MACROD2: variants seen among roughly 807,000 people sequenced by gnomAD.
MACROD2 encodes the protein mono-ADP ribosylhydrolase 2, also known as ADP-ribose glycohydrolase MACROD2.
A neutral mutation model predicts 70.4 loss-of-function variants in MACROD2; 36 were observed. The observed-to-expected ratio is 0.51, with a 90% CI of 0.39 to 0.68. The LOEUF (loss-of-function observed/expected upper bound fraction) is 0.68. MACROD2 is among the 30% of genes least tolerant of loss of function. The pLI is 0.00. For missense variants in MACROD2, 496 were observed against 538.4 expected (o/e 0.92, Z 0.78); for synonymous variants, 172 against 178.8 (o/e 0.96, Z 0.30).
At chr20:15,452,683 C>A (rs933684637) in intron 7 of MACROD2, among the ~76,000 whole-genome samples, 1 of 152,116 alleles carries the variant, frequency 6.6e-6, no homozygotes, top group Admixed American at 6.6e-5. Flanking sequence ...CAGTGGCATT[C>A]ACGGCTCTGC....
At chr20:15,937,948 A>G (rs1601171329) in intron 12 of MACROD2, among the ~76,000 whole-genome samples, 1 of 152,122 alleles carries the variant, frequency 6.6e-6, no homozygotes, top group East Asian at 1.9e-4. Context: ...AGGGAGCACC[A>G]TTTTTCAAAA....
At chr20:14,663,337 G>C (rs2123540401) in intron 4 of MACROD2, among the ~76,000 whole-genome samples, 1 of 151,972 alleles carries the variant, frequency 6.6e-6, no homozygotes. Context: ...GGAGGGTGGA[G>C]GGTGGGAGGA....
chr20:15,312,831 G>GTA lies in MACROD2; in HGVS notation c.540+82776_540+82777dup, dbSNP rs1035619989. ...TATCTGTATTCCATTATATGTGTGT[G>GTA]TATATATGTGTGTGTATATGTATGT... On this transcript the variant is annotated intron_variant, in intron 6 of 17. Transcript: ENST00000684519. Among the ~76,000 whole-genome samples the GTA allele has an allele frequency of 5.3e-4, 81 of 152,062 alleles. 1 individual carries two copies. The highest frequency in any genetic ancestry group is 1.9e-3 in the African/African-American group (78 of 41,486).
At chr20:15,834,232 C>T (rs1261249034) in intron 8 of MACROD2, among the ~76,000 whole-genome samples, 6 of 152,216 alleles carry the variant, frequency 3.9e-5, no homozygotes, top group East Asian at 3.9e-4. Context: ...CCCAGCTACT[C>T]GGGAGGCTGA....
intron 12 of MACROD2, among the ~76,000 whole-genome samples, chr20:15,949,388 C>T (rs1000724468): frequency 6.6e-6 from 1 of 152,134 alleles, no homozygotes; most frequent in African/African-American, 2.4e-5. Context: ...ATCAAGAAAT[C>T]TATTGATATG....
At chr20:15,012,452 T>C (rs1203206934) in intron 5 of MACROD2, among the ~76,000 whole-genome samples, 1 of 152,108 alleles carries the variant, frequency 6.6e-6, no homozygotes, top group African/African-American at 2.4e-5. Flanking sequence ...TGACATAATG[T>C]GGGGGTCCAA....
intron 6 of MACROD2, among the ~76,000 whole-genome samples, chr20:15,321,838 G>T (rs1293409796): frequency 1.4e-5 from 2 of 144,104 alleles, no homozygotes; most frequent in African/African-American, 5.0e-5. Flanking sequence ...TGTTGCCCAG[G>T]CTGGAGTGCA....
chr20:14,515,605 C>A (rs1482652427), intron 4 of MACROD2, among the ~76,000 whole-genome samples: 4 of 151,952 alleles, frequency 2.6e-5, no homozygotes, highest in South Asian at 4.2e-4. Flanking sequence ...AAGCCAGGCA[C>A]AGAAAGACAA....
chr20:15,288,164 C>CA (rs1405631671), intron 6 of MACROD2, among the ~76,000 whole-genome samples: 1 of 152,176 alleles, frequency 6.6e-6, no homozygotes, highest in Non-Finnish European at 1.5e-5. Flanking sequence ...AAGGAGAAGA[C>CA]ACTATGTTGG....
intron 8 of MACROD2, among the ~76,000 whole-genome samples, chr20:15,646,584 G>A (rs575132598): frequency 2.0e-4 from 30 of 152,264 alleles, no homozygotes; most frequent in Admixed American, 1.8e-3. Context: ...ATCTTGAATT[G>A]TAATCCCCAT....
At chr20:14,898,896 G>A (rs1490125542) in intron 5 of MACROD2, among the ~76,000 whole-genome samples, 1 of 152,148 alleles carries the variant, frequency 6.6e-6, no homozygotes. Context: ...ACAACCAAAG[G>A]CAACGACCAG....
At chr20:14,859,012 A>G (rs2073285504) in intron 5 of MACROD2, among the ~76,000 whole-genome samples, 2 of 152,110 alleles carry the variant, frequency 1.3e-5, no homozygotes, top group South Asian at 4.2e-4. Context: ...GTGCCATCTA[A>G]TAGGGCTTCA....
At chr20:14,697,695 G>A (rs1275761381) in intron 5 of MACROD2, among the ~76,000 whole-genome samples, 1 of 151,954 alleles carries the variant, frequency 6.6e-6, no homozygotes, top group Non-Finnish European at 1.5e-5. Flanking sequence ...TATTTTAAAG[G>A]CTGAATGTGA....
At chr20:14,196,746 A>G (rs971022219) in intron 3 of MACROD2, among the ~76,000 whole-genome samples, 8 of 152,304 alleles carry the variant, frequency 5.3e-5, no homozygotes, top group African/African-American at 1.7e-4. Context: ...TGGCTTCTTC[A>G]TCTATTTGGG....
chr20:14,214,192 T>G (rs2081594847), intron 3 of MACROD2, among the ~76,000 whole-genome samples: 1 of 152,190 alleles, frequency 6.6e-6, no homozygotes, highest in African/African-American at 2.4e-5. Context: ...ATCCTACGCT[T>G]TGAGAAATTG....
intron 4 of MACROD2, among the ~76,000 whole-genome samples, chr20:14,656,322 G>A (rs1437179124): frequency 1.3e-5 from 2 of 152,128 alleles, no homozygotes; most frequent in African/African-American, 2.4e-5. Flanking sequence ...AATTCATATA[G>A]CCAATTGGCG....
intron 15 of MACROD2, among the ~76,000 whole-genome samples, chr20:15,996,852 T>C (rs1414245927): frequency 6.6e-5 from 10 of 152,190 alleles, no homozygotes; most frequent in Non-Finnish European, 2.9e-5. Context: ...ATTTAAGTTT[T>C]TAATCTATTT....
At chr20:14,405,582 T>C (rs1460154503) in intron 3 of MACROD2, among the ~76,000 whole-genome samples, 1 of 152,204 alleles carries the variant, frequency 6.6e-6, no homozygotes, top group Non-Finnish European at 1.5e-5. Context: ...ATACTGCTGC[T>C]AGAATGGAGT....
intron 5 of MACROD2, among the ~76,000 whole-genome samples, chr20:14,995,434 G>A (rs2074941202): frequency 6.6e-6 from 1 of 152,034 alleles, no homozygotes; most frequent in Non-Finnish European, 1.5e-5. Context: ...CCCACACTTT[G>A]GGAGGCTGAG....
Sources: gnomAD v4.1 joint callset for allele counts (sites outside exome capture counted in the v4.1 genomes callset) on GRCh38, gnomAD v4.1.1 for gene constraint, MANE v1.5 for transcripts, NCBI Gene and HGNC (gene_info 2026-07-23, HGNC 2026-07-21) for gene names.